The following TRAPPC9 variants were observed in gnomAD, a reference collection of about 807,000 sequenced individuals.
TRAPPC9 encodes the protein trafficking protein particle complex subunit 9, also known as IKK2 binding protein.
In TRAPPC9, 83 loss-of-function variants were observed where a neutral mutation model predicts 124.0. The ratio of observed to expected loss-of-function variants is 0.67; its 90% CI spans 0.56 to 0.80. The LOEUF is 0.80. TRAPPC9 is among the 30% of genes least tolerant of loss of function. The probability of loss-of-function intolerance (pLI) is 0.00; values close to 1 mark genes in which losing one functional copy is unlikely to be tolerated. For missense variants in TRAPPC9, 1,302 were observed against 1,508.3 expected (o/e 0.86, Z 2.27); for synonymous variants, 638 against 617.5 (o/e 1.03, Z -0.49).
intron 19 of TRAPPC9, among the ~76,000 whole-genome samples, chr8:139,951,676 T>C (rs1389168479): frequency 6.6e-6 from 1 of 152,204 alleles, no homozygotes; most frequent in African/African-American, 2.4e-5. Context: ...AGGCCTCTGT[T>C]CTTCTCATTA....
intron 21 of TRAPPC9, among the ~76,000 whole-genome samples, chr8:139,883,984 A>C (rs1829844396): frequency 6.6e-6 from 1 of 152,142 alleles, no homozygotes; most frequent in Non-Finnish European, 1.5e-5. Flanking sequence ...ATCCAATCTG[A>C]CATGCTGCAC....
At chr8:139,886,121 T>C in intron 20 of TRAPPC9, 152 bp from the exon 21 acceptor site, 1 of 744,326 alleles carries the variant, frequency 1.3e-6, no homozygotes. Flanking sequence ...CACTATGACA[T>C]CACCCTGGGT....
chr8:139,841,563 G>T (rs943434255), intron 21 of TRAPPC9, among the ~76,000 whole-genome samples: 1 of 152,352 alleles, frequency 6.6e-6, no homozygotes, highest in Non-Finnish European at 1.5e-5. Flanking sequence ...TGCAGGCTCT[G>T]GCCAATCCAT....
intron 21 of TRAPPC9, among the ~76,000 whole-genome samples, chr8:139,738,994 C>T (rs1282212526): frequency 3.9e-5 from 6 of 152,192 alleles, no homozygotes; most frequent in Non-Finnish European, 8.8e-5. Context: ...TCCTGCCCGC[C>T]CCCAGCTTCT....
intron 21 of TRAPPC9, among the ~76,000 whole-genome samples, chr8:139,752,580 G>C (rs889197450): frequency 2.8e-5 from 4 of 141,252 alleles, no homozygotes; most frequent in African/African-American, 1.1e-4. Context: ...CATCAATCCA[G>C]CATCCACCCA....
At chr8:139,785,537 AACACACACACACAC>A (rs57202244) in intron 21 of TRAPPC9, among the ~76,000 whole-genome samples, 29 of 138,302 alleles carry the variant, frequency 2.1e-4, no homozygotes, top group Middle Eastern at 3.7e-3. Flanking sequence ...ATCTCTACTA[AACACACACACACAC>A]ACACACACAC....
chr8:139,766,266 T>G (rs1820579448), intron 21 of TRAPPC9, among the ~76,000 whole-genome samples: 1 of 152,010 alleles, frequency 6.6e-6, no homozygotes, highest in Admixed American at 6.5e-5. Context: ...AGCCCATCTG[T>G]AAAAGGAGGG....
At chr8:140,423,858 G>T (rs2070328524) in intron 5 of TRAPPC9, among the ~76,000 whole-genome samples, 1 of 152,046 alleles carries the variant, frequency 6.6e-6, no homozygotes, top group South Asian at 2.1e-4. Flanking sequence ...AAGTGAAAGA[G>T]GCCAGTCACA....
chr8:139,976,049 G>A lies in TRAPPC9; in HGVS notation c.2810+12677C>T, dbSNP rs572038886. Among the ~76,000 whole-genome samples, 16 of 143,132 alleles carry A rather than the reference G, an allele frequency of 1.1e-4. No homozygotes were observed. The South Asian group carries it at 3.3e-3, about 29-fold the overall frequency. 93.9% of individuals were successfully genotyped at this position (143,132 alleles called of 152,430 possible). ...TGGGACTACAGGCGCCCGCCACCTCGCCCGGCTAATTTTTTGTACTTTTAG... is the reference window on the plus strand; with the variant it reads ...TGGGACTACAGGCGCCCGCCACCTCACCCGGCTAATTTTTTGTACTTTTAG... On this transcript the variant is annotated intron_variant, in intron 19 of 22. Transcript: ENST00000438773.
At chr8:140,007,217 G>A (rs901492640) in intron 18 of TRAPPC9, among the ~76,000 whole-genome samples, 2 of 152,150 alleles carry the variant, frequency 1.3e-5, no homozygotes, top group South Asian at 2.1e-4. Flanking sequence ...GGTTAAAGAG[G>A]AGAGCCATGA....
chr8:139,908,318 C>T (rs36004418), intron 20 of TRAPPC9, among the ~76,000 whole-genome samples: 15,566 of 152,230 alleles, frequency 0.1, 915 homozygotes, highest in Admixed American at 0.17. Context: ...CATCCAGGAC[C>T]GCCTTGCTCT....
At chr8:140,023,558 T>C (rs986274300) in intron 18 of TRAPPC9, among the ~76,000 whole-genome samples, 1 of 152,172 alleles carries the variant, frequency 6.6e-6, no homozygotes, top group Non-Finnish European at 1.5e-5. Context: ...GCTGGACTTG[T>C]CCAGGAGTCC....
chr8:140,211,232 C>T (rs1490456643), intron 17 of TRAPPC9, among the ~76,000 whole-genome samples: 1 of 151,752 alleles, frequency 6.6e-6, no homozygotes, highest in African/African-American at 2.4e-5. Flanking sequence ...ATCTCTACAA[C>T]AAATTAAAAA....
chr8:140,242,784 C>T (rs547565530), intron 16 of TRAPPC9, among the ~76,000 whole-genome samples: 1 of 152,326 alleles, frequency 6.6e-6, no homozygotes, highest in South Asian at 2.1e-4. Flanking sequence ...GAGTCGGGAA[C>T]AGTCAGTGTG....
chr8:139,759,851 G>T (rs1439948398), intron 21 of TRAPPC9, among the ~76,000 whole-genome samples: 1 of 152,186 alleles, frequency 6.6e-6, no homozygotes, highest in Non-Finnish European at 1.5e-5. Context: ...GGAGGGCCCA[G>T]GGCAGCGCAG....
intron 4 of TRAPPC9, among the ~76,000 whole-genome samples, chr8:140,434,700 G>C (rs913367230): frequency 6.6e-6 from 1 of 152,168 alleles, no homozygotes; most frequent in Non-Finnish European, 1.5e-5. Flanking sequence ...GCAGGGCATG[G>C]TGGCTCACGC....
At chr8:140,019,459 T>C (rs1310449486) in intron 18 of TRAPPC9, among the ~76,000 whole-genome samples, 2 of 151,872 alleles carry the variant, frequency 1.3e-5, no homozygotes, top group Admixed American at 6.6e-5. Flanking sequence ...AAGATTTTAA[T>C]TAAGAATTCA....
chr8:139,877,501 G>T (rs1288742221), intron 21 of TRAPPC9, among the ~76,000 whole-genome samples: 1 of 152,206 alleles, frequency 6.6e-6, no homozygotes, highest in Admixed American at 6.5e-5. Flanking sequence ...CCGATGTGCA[G>T]ATTCGGGGTC....
chr8:139,737,194 A>G (rs992200502), intron 21 of TRAPPC9, among the ~76,000 whole-genome samples: 1 of 152,036 alleles, frequency 6.6e-6, no homozygotes, highest in Non-Finnish European at 1.5e-5. Context: ...GGCGCTCCCC[A>G]GGCAGGCCCT....
Sources: gnomAD v4.1 joint callset for allele counts (sites outside exome capture counted in the v4.1 genomes callset) on GRCh38, gnomAD v4.1.1 for gene constraint, MANE v1.5 for transcripts, NCBI Gene and HGNC (gene_info 2026-07-23, HGNC 2026-07-21) for gene names.